The following AKAP19 variants were observed in gnomAD, a reference collection of about 807,000 sequenced individuals.
AKAP19 encodes the protein A-kinase anchoring protein 19, also known as small A-kinase anchoring protein.
chr2:190,143,508 C>A, the AKAP19 span, among the ~76,000 whole-genome samples: 1 of 152,070 alleles, frequency 6.6e-6, no homozygotes, highest in Non-Finnish European at 1.5e-5. Flanking sequence ...GTTCTTGTGC[C>A]TTATCATCAT....
the AKAP19 span, among the ~76,000 whole-genome samples, chr2:189,891,056 T>C: frequency 2.6e-5 from 4 of 152,116 alleles, no homozygotes; most frequent in Admixed American, 2.0e-4. Context: ...GGTATCGGTT[T>C]TTCCTTTCTA....
chr2:190,115,350 C>T, the AKAP19 span, among the ~76,000 whole-genome samples: 9 of 77,866 alleles, frequency 1.2e-4, no homozygotes, highest in African/African-American at 1.6e-4. Context: ...GATGGAGTCT[C>T]GCTCTGTCGC....
chr2:190,054,319 C>T, the AKAP19 span, among the ~76,000 whole-genome samples: 2 of 152,056 alleles, frequency 1.3e-5, no homozygotes, highest in Admixed American at 6.6e-5. Context: ...CCCTTCCTTA[C>T]ACCTTATACA....
At chr2:189,909,052 G>A in the AKAP19 span, among the ~76,000 whole-genome samples, 4 of 152,162 alleles carry the variant, frequency 2.6e-5, no homozygotes, top group East Asian at 7.7e-4. Flanking sequence ...TTGGGTGCAT[G>A]TATATTTACA....
At chr2:189,998,577 C>T in the AKAP19 span, among the ~76,000 whole-genome samples, 2 of 151,852 alleles carry the variant, frequency 1.3e-5, no homozygotes, top group Non-Finnish European at 2.9e-5. Context: ...CTTTATAATC[C>T]TTTTAATTTC....
At chr2:190,114,698 C>T in the AKAP19 span, among the ~76,000 whole-genome samples, 1 of 152,168 alleles carries the variant, frequency 6.6e-6, no homozygotes, top group African/African-American at 2.4e-5. Context: ...CCTCTTGATC[C>T]ACCCATCTCG....
the AKAP19 span, among the ~76,000 whole-genome samples, chr2:190,106,326 T>C: frequency 7.2e-5 from 11 of 152,220 alleles, no homozygotes; most frequent in African/African-American, 2.2e-4. Context: ...CAAAATACAC[T>C]GTCAGCCTTG....
the AKAP19 span, among the ~76,000 whole-genome samples, chr2:189,886,512 C>T: frequency 1.3e-5 from 2 of 152,180 alleles, no homozygotes. Context: ...AAAATTAAAA[C>T]ATAATCTGTC....
the AKAP19 span, among the ~76,000 whole-genome samples, chr2:190,155,794 A>T: frequency 6.6e-6 from 1 of 152,310 alleles, no homozygotes; most frequent in East Asian, 1.9e-4. Context: ...GATAGATTAA[A>T]AATATTTTTC....
At chr2:189,905,906 T>C in the AKAP19 span, among the ~76,000 whole-genome samples, 3 of 152,098 alleles carry the variant, frequency 2.0e-5, no homozygotes, top group African/African-American at 7.2e-5. Flanking sequence ...TGGTACATTT[T>C]CCTCTAATTT....
chr2:189,944,799 T>C, the AKAP19 span, among the ~76,000 whole-genome samples: 1 of 152,184 alleles, frequency 6.6e-6, no homozygotes. Context: ...ACTCATTGTT[T>C]TCATCAACAC....
At chr2:189,966,001 T>C in the AKAP19 span, among the ~76,000 whole-genome samples, 1 of 152,114 alleles carries the variant, frequency 6.6e-6, no homozygotes, top group Non-Finnish European at 1.5e-5. Flanking sequence ...GGTATACTAC[T>C]CAGCCATAAA....
chr2:190,111,498 A>T, the AKAP19 span, among the ~76,000 whole-genome samples: 1 of 152,232 alleles, frequency 6.6e-6, no homozygotes, highest in Non-Finnish European at 1.5e-5. Context: ...GATTTTTATT[A>T]TCATTCTAAC....
At chr2:190,056,968 G>A in the AKAP19 span, 251 of 334,900 alleles carry the variant, frequency 7.5e-4, 3 homozygotes, top group African/African-American at 1.9e-3. Flanking sequence ...AAGGAGAATC[G>A]CTTTCATTTC....
chr2:190,028,550 G>A, the AKAP19 span, among the ~76,000 whole-genome samples: 102 of 151,914 alleles, frequency 6.7e-4, no homozygotes, highest in East Asian at 0.012. Context: ...TAACTGAATT[G>A]TCATTGTGAA....
the AKAP19 span, among the ~76,000 whole-genome samples, chr2:189,985,510 G>A: frequency 1.6e-4 from 25 of 152,286 alleles, no homozygotes; most frequent in Admixed American, 1.6e-3. Context: ...GCTTTGAACT[G>A]CCTGTGAAGG....
At chr2:190,033,174 G>A in the AKAP19 span, among the ~76,000 whole-genome samples, 1 of 151,788 alleles carries the variant, frequency 6.6e-6, no homozygotes, top group Admixed American at 6.6e-5. Flanking sequence ...TAGCCAGGTG[G>A]GACCATAAAA....
chr2:189,972,067 C>T, the AKAP19 span, among the ~76,000 whole-genome samples: 13 of 152,132 alleles, frequency 8.5e-5, no homozygotes, highest in East Asian at 1.9e-3. Flanking sequence ...ATTCCTATGT[C>T]CTGAATAGTA....
the AKAP19 span, among the ~76,000 whole-genome samples, chr2:190,034,063 A>G: frequency 6.6e-6 from 1 of 151,958 alleles, no homozygotes; most frequent in African/African-American, 2.4e-5. Context: ...GTGCCCATGT[A>G]CCCTAGAACT....
Sources: gnomAD v4.1 joint callset for allele counts (sites outside exome capture counted in the v4.1 genomes callset) on GRCh38, gnomAD v4.1.1 for gene constraint, MANE v1.5 for transcripts, NCBI Gene and HGNC (gene_info 2026-07-23, HGNC 2026-07-21) for gene names.